The following ZNF44 variants were observed in gnomAD, a reference collection of about 807,000 sequenced individuals.
The protein encoded by ZNF44 is gonadotropin inducible transcription repressor-2.
ZNF44 carries 9 observed loss-of-function variants against 11.7 expected under a neutral mutation model. The ratio of observed to expected loss-of-function variants is 0.77; its 90% CI spans 0.46 to 1.35. The LOEUF is 1.35. ZNF44 is among the 40% of genes most tolerant of loss of function. The pLI, the probability that ZNF44 is intolerant of heterozygous loss-of-function variation, is 0.00. For missense variants in ZNF44, 696 were observed against 743.1 expected, an observed-to-expected ratio of 0.94 and a Z score of 0.74; for synonymous variants, 224 against 242.7, an observed-to-expected ratio of 0.92 and a Z score of 0.72.
intron 7 of ZNF44, chr19:12,248,776 G>C (rs1159351867): frequency 7.6e-6 from 6 of 789,162 alleles, no homozygotes; most frequent in Non-Finnish European, 1.0e-5. Context: ...TTCAGGGAAA[G>C]TACAGATTTT....
chr19:12,278,020 A>G (rs1967305655), intron 1 of ZNF44, among the ~76,000 whole-genome samples: 1 of 152,208 alleles, frequency 6.6e-6, no homozygotes, highest in Non-Finnish European at 1.5e-5. Context: ...TTGGGAGGCC[A>G]AGGTGTTGGG....
chr19:12,247,458 T>C (rs550598347), downstream of ZNF44: 9 of 1,334,780 alleles, frequency 6.7e-6, no homozygotes, highest in South Asian at 8.3e-5. Flanking sequence ...CTCTCCAGTA[T>C]GAATTCGTTC....
chr19:12,243,321 C>A (rs1214302363), downstream of ZNF44, among the ~76,000 whole-genome samples: 1 of 152,140 alleles, frequency 6.6e-6, no homozygotes, highest in African/African-American at 2.4e-5. Context: ...GGTTTTTAAC[C>A]TTTGACCAAC....
intron 1 of ZNF44, among the ~76,000 whole-genome samples, chr19:12,291,446 C>T (rs1031797688): frequency 2.0e-5 from 3 of 152,156 alleles, no homozygotes; most frequent in Non-Finnish European, 4.4e-5. Context: ...CCTGAGAAAC[C>T]TATTACATGG....
chr19:12,282,116 T>A (rs939699473), intron 1 of ZNF44, among the ~76,000 whole-genome samples: 1 of 152,188 alleles, frequency 6.6e-6, no homozygotes, highest in African/African-American at 2.4e-5. Context: ...TAGACTGCCA[T>A]CTTCAAACCA....
intron 5 of ZNF44, among the ~76,000 whole-genome samples, chr19:12,260,904 T>C (rs1917481489): frequency 6.6e-6 from 1 of 152,086 alleles, no homozygotes; most frequent in Non-Finnish European, 1.5e-5. Context: ...GATAGACCCA[T>C]GAGTGGTGGT....
chr19:12,278,153 C>T (rs769906303), intron 1 of ZNF44, among the ~76,000 whole-genome samples: 1 of 152,226 alleles, frequency 6.6e-6, no homozygotes, highest in Non-Finnish European at 1.5e-5. Context: ...ACACCTGGCC[C>T]ACCCAGGGTG....
intron 5 of ZNF44, among the ~76,000 whole-genome samples, chr19:12,254,923 C>CT (rs1401247050): frequency 1.3e-5 from 2 of 151,802 alleles, no homozygotes; most frequent in Non-Finnish European, 2.9e-5. Context: ...CCCATCTTTA[C>CT]TAAAAATACA....
At chr19:12,281,969 C>T (rs1044731835) in intron 1 of ZNF44, among the ~76,000 whole-genome samples, 8 of 152,138 alleles carry the variant, frequency 5.3e-5, no homozygotes, top group Admixed American at 4.6e-4. Flanking sequence ...GAAATGATAC[C>T]AATTCTCTAC....
In ZNF44 at chr19:12,256,037, C is replaced by CAAAA. The variant is rs74180061; in HGVS notation, c.1913-5673_1913-5670dup. The stretch of plus-strand genomic sequence containing the variant: ...GGGCAACAAGAGCGAAACTCTGTCT[C>CAAAA]AAAAAAAAAAAAAAAAAAAAAAAAA... On this transcript the variant is annotated intron_variant and NMD_transcript_variant, in intron 5 of 7. Transcript: ENST00000393337. Among the ~76,000 whole-genome samples, 8 of 39,676 alleles carry CAAAA rather than the reference C, an allele frequency of 2.0e-4. 1 individual carries two copies. The highest frequency in any genetic ancestry group is 4.0e-4 in the Non-Finnish European group (7 of 17,552). The allele number at this position is 39,676 out of a possible 152,430, so 26.0% of individuals were successfully genotyped here.
upstream of ZNF44, among the ~76,000 whole-genome samples, chr19:12,242,191 CTA>C (rs760490559): frequency 2.6e-5 from 4 of 151,878 alleles, no homozygotes; most frequent in African/African-American, 4.8e-5. Context: ...ATGGTAAATT[CTA>C]TGTTACTATA....
chr19:12,247,584 G>A (rs746879592), downstream of ZNF44: 7 of 1,337,036 alleles, frequency 5.2e-6, no homozygotes, highest in Admixed American at 1.0e-4. Flanking sequence ...AGTAATGTAT[G>A]TTTTCCCACA....
At chr19:12,234,960 A>C (rs939303913) in intron 1 of ZNF44, 1 of 152,302 alleles carries the variant, frequency 6.6e-6, no homozygotes, top group African/African-American at 2.4e-5. Flanking sequence ...AGGCGAAAGA[A>C]AGACATGAGC....
In ZNF44 at chr19:12,274,965, C is replaced by T. The variant is rs1189567234; in HGVS notation, c.191+8G>A. 1 of 1,577,722 alleles carries T rather than the reference C, an allele frequency of 6.3e-7. No individual in the cohort carries two copies. The highest frequency in any genetic ancestry group is 1.8e-5 in the Admixed American group (1 of 56,680). On this transcript the variant is annotated splice_region_variant and intron_variant, in intron 3 of 3. Coordinates refer to ENST00000355684, the MANE Select transcript of ZNF44 (RefSeq NM_016264.4). ...GGACATCACCTGTCTCTTATAAGTA[C>T]AAATTACCTTGGATTTCTCCTGAGA...
chr19:12,243,220 C>T (rs954521988), downstream of ZNF44, among the ~76,000 whole-genome samples: 2 of 151,972 alleles, frequency 1.3e-5, no homozygotes, highest in African/African-American at 2.4e-5. Flanking sequence ...TATATATATA[C>T]ATTCTGTAAT....
At chr19:12,288,774 G>GTATACATATATA (rs1555744589) in intron 1 of ZNF44, among the ~76,000 whole-genome samples, 1 of 76,840 alleles carries the variant, frequency 1.3e-5, no homozygotes, top group Non-Finnish European at 2.2e-5. Context: ...AAAAAAAAAT[G>GTATACATATATA]TATATATATA....
rs1408904365 is a variant in ZNF44 at position 12,288,772 on chromosome 19, ATGT to A, written c.3+5917_3+5919del. On this transcript the variant is annotated intron_variant, in intron 1 of 3. Coordinates refer to ENST00000355684, the MANE Select transcript of ZNF44 (RefSeq NM_016264.4). ...GACTCCGTCTCAAAAAAAAAAAAAA[ATGT>A]ATATATATATATATATATATATATA... Among the ~76,000 whole-genome samples the A allele has an allele frequency of 8.5e-3, 501 of 59,180 alleles. 3 individuals carry two copies. The highest frequency in any genetic ancestry group is 0.013 in the Non-Finnish European group (388 of 30,434). 38.8% of individuals were successfully genotyped at this position (59,180 alleles called of 152,430 possible). A position where few individuals can be genotyped will look rare whatever the true frequency, so the allele number is the denominator to read the frequency against.
At chr19:12,248,459 T>C in exon 8 of ZNF44, 1 of 1,290,806 alleles carries the variant, frequency 7.7e-7, no homozygotes, top group Non-Finnish European at 1.0e-6. Flanking sequence ...ATGGCTTCTC[T>C]CCATATTCCT....
In ZNF44 at chr19:12,264,282, T is replaced by A. The variant is rs145401438; in HGVS notation, c.1912+8205A>T. 8.1e-4 allele frequency among the ~76,000 whole-genome samples: 124 copies of A among 152,248 alleles called. 1 individual carries two copies. The highest frequency in any genetic ancestry group is 2.9e-3 in the African/African-American group (120 of 41,546). ...GTGTGAGTATGTAGGACACCTGCTCTCCTTGATAAGCGTGAGTACGTAGGA... is the reference window on the plus strand; with the variant it reads ...GTGTGAGTATGTAGGACACCTGCTCACCTTGATAAGCGTGAGTACGTAGGA... On this transcript the variant is annotated intron_variant and NMD_transcript_variant, in intron 5 of 7. Transcript: ENST00000393337.
Sources: gnomAD v4.1 joint callset for allele counts (sites outside exome capture counted in the v4.1 genomes callset) on GRCh38, gnomAD v4.1.1 for gene constraint, MANE v1.5 for transcripts, NCBI Gene and HGNC (gene_info 2026-07-23, HGNC 2026-07-21) for gene names.